FXN: variants seen among roughly 807,000 people sequenced by gnomAD.
FXN encodes the protein frataxin.
FXN carries 14 observed loss-of-function variants against 22.4 expected under a neutral mutation model. The observed-to-expected ratio is 0.62, with a 90% confidence interval of 0.41 to 0.98. The LOEUF is 0.98. FXN is among the 50% of genes least tolerant of loss of function. The pLI is 0.00. For missense variants in FXN, 267 were observed against 268.4 expected (o/e 0.99, Z 0.04); for synonymous variants, 120 against 114.1 (o/e 1.05, Z -0.33).
intron 1 of FXN, among the ~76,000 whole-genome samples, chr9:69,045,617 A>G (rs1318768650): frequency 6.6e-6 from 1 of 152,126 alleles, no homozygotes; most frequent in Non-Finnish European, 1.5e-5. Context: ...AAAACCAAAA[A>G]AAAAAACTTC....
chr9:69,050,943 G>A (rs1164745005), intron 2 of FXN, among the ~76,000 whole-genome samples: 1 of 152,048 alleles, frequency 6.6e-6, no homozygotes, highest in Non-Finnish European at 1.5e-5. Flanking sequence ...ACTATGCCCG[G>A]CTAATTTTGT....
rs1832342612 is a variant in FXN at position 69,075,119 on chromosome 9, G to C, written c.*2357G>C. 9.1e-6 allele frequency: 9 copies of C among 985,374 alleles called. No individual in the cohort carries two copies. Among genetic ancestry groups the C allele is most frequent in the Non-Finnish European group, 9.6e-6 (8 of 829,940 alleles). The allele number at this position is 985,374 out of a possible 1,614,324, so 61.0% of individuals were successfully genotyped here. A position where few individuals can be genotyped will look rare whatever the true frequency, so the allele number is the denominator to read the frequency against. ...TTTCATTTTACATATAGCTCTAATT[G>C]GTTTGATTATCTCGTTCCCAAGGCA... On this transcript the variant is annotated 3_prime_UTR_variant, in exon 5 of 5. Transcript: ENST00000484259.
chr9:69,071,451 A>T (rs943733772), intron 4 of FXN, among the ~76,000 whole-genome samples: 1 of 152,166 alleles, frequency 6.6e-6, no homozygotes, highest in African/African-American at 2.4e-5. Flanking sequence ...CTGGGCTCCC[A>T]TGCACTCTGT....
chr9:69,062,866 G>A (rs374258421), intron 3 of FXN, among the ~76,000 whole-genome samples: 10 of 150,940 alleles, frequency 6.6e-5, no homozygotes, highest in South Asian at 2.1e-4. Context: ...TAAATTTAGC[G>A]TTATGTGCTT....
In FXN at chr9:69,076,949, C is replaced by T. The variant is rs530843434; in HGVS notation, c.*4187C>T. The stretch of plus-strand genomic sequence containing the variant: ...TTCTTTTTTGAGACAGAGTCTTGCT[C>T]TGTCACCCAGGCTGGAGTGCAGTGG... On this transcript the variant is annotated 3_prime_UTR_variant, in exon 5 of 5. Transcript: ENST00000484259. 6.1e-6 allele frequency: 6 copies of T among 977,456 alleles called. No homozygotes were observed. The highest frequency in any genetic ancestry group is 1.7e-5 in the African/African-American group (1 of 57,186). 60.5% of individuals were successfully genotyped at this position (977,456 alleles called of 1,614,324 possible). A position where few individuals can be genotyped will look rare whatever the true frequency, so the allele number is the denominator to read the frequency against.
At chr9:69,068,179 G>A (rs555937331) in intron 4 of FXN, among the ~76,000 whole-genome samples, 2 of 152,282 alleles carry the variant, frequency 1.3e-5, no homozygotes, top group Non-Finnish European at 2.9e-5. Context: ...ATGTGGACAC[G>A]GGGCTATGAC....
At chr9:69,068,235 G>A (rs188915860) in intron 4 of FXN, among the ~76,000 whole-genome samples, 1 of 152,218 alleles carries the variant, frequency 6.6e-6, no homozygotes, top group African/African-American at 2.4e-5. Flanking sequence ...GCCAGGTGGA[G>A]CCTGGAGTGG....
In FXN at chr9:69,076,772, C is replaced by A. The variant is rs763251375; in HGVS notation, c.*4010C>A. Reference sequence around the variant, plus strand: ...AGTCCGTGTCCAGTTGGATTCTTGGCACATAGTTATCTTCTGCTAGAACAA... The same window carrying A: ...AGTCCGTGTCCAGTTGGATTCTTGGAACATAGTTATCTTCTGCTAGAACAA... On this transcript the variant is annotated 3_prime_UTR_variant, in exon 5 of 5. Coordinates refer to ENST00000484259, the MANE Select transcript of FXN (RefSeq NM_000144.5). 1.4e-4 allele frequency: 134 copies of A among 985,290 alleles called. No homozygotes were observed. The highest frequency in any genetic ancestry group is 1.6e-4 in the Non-Finnish European group (131 of 829,944). The allele number at this position is 985,290 out of a possible 1,614,324, so 61.0% of individuals were successfully genotyped here.
intron 3 of FXN, among the ~76,000 whole-genome samples, chr9:69,058,397 C>CT (rs11394941): frequency 0.16 from 24,278 of 151,804 alleles, 2,075 homozygotes; most frequent in Middle Eastern, 0.22. Flanking sequence ...AGGCTGACCT[C>CT]TTTTTTTTCC....
Position 69,076,783 on chromosome 9 carries a change from C to A in FXN, c.*4021C>A. 1.0e-6 allele frequency: 1 copy of A among 985,424 alleles called. No individual in the cohort carries two copies. Among genetic ancestry groups the A allele is most frequent in the South Asian group, 4.7e-5 (1 of 21,284 alleles). 61.0% of individuals were successfully genotyped at this position (985,424 alleles called of 1,614,324 possible). A position where few individuals can be genotyped will look rare whatever the true frequency, so the allele number is the denominator to read the frequency against. ...AGTTGGATTCTTGGCACATAGTTATCTTCTGCTAGAACAAACTAAAACAGC... is the reference window on the plus strand; with the variant it reads ...AGTTGGATTCTTGGCACATAGTTATATTCTGCTAGAACAAACTAAAACAGC... On this transcript the variant is annotated 3_prime_UTR_variant, in exon 5 of 5. Transcript: ENST00000484259.
chr9:69,078,348 C>T lies in FXN; in HGVS notation c.*5586C>T. The T allele has an allele frequency of 2.0e-6, 2 of 985,504 alleles. No individual in the cohort carries two copies. Among genetic ancestry groups the T allele is most frequent in the Non-Finnish European group, 2.4e-6 (2 of 829,970 alleles). The allele number at this position is 985,504 out of a possible 1,614,324, so 61.0% of individuals were successfully genotyped here. A position where few individuals can be genotyped will look rare whatever the true frequency, so the allele number is the denominator to read the frequency against. ...AGTTCCCCTTGAAAGTTTCACCAAA[C>T]ATCCCTTAAATCTGCCCTCTCCTGC... is the stretch of plus-strand genomic sequence containing the variant. On this transcript the variant is annotated 3_prime_UTR_variant, in exon 5 of 5. Coordinates refer to ENST00000484259, the MANE Select transcript of FXN (RefSeq NM_000144.5).
chr9:69,068,403 T>C (rs933061073), intron 4 of FXN, among the ~76,000 whole-genome samples: 3 of 152,046 alleles, frequency 2.0e-5, no homozygotes, highest in African/African-American at 7.2e-5. Flanking sequence ...CAATGACTGA[T>C]GGGCCCTTGT....
intron 2 of FXN, among the ~76,000 whole-genome samples, chr9:69,050,386 A>C (rs985361179): frequency 2.2e-4 from 33 of 152,206 alleles, no homozygotes; most frequent in African/African-American, 7.7e-4. Flanking sequence ...CTGGGTACAC[A>C]TTTCTGTTGT....
chr9:69,065,813 A>G (rs865924770), intron 4 of FXN, among the ~76,000 whole-genome samples: 6 of 152,296 alleles, frequency 3.9e-5, no homozygotes, highest in Middle Eastern at 6.8e-3. Flanking sequence ...TAGCGTTTGA[A>G]CAAGTTGCAC....
In FXN at chr9:69,053,229, A is replaced by G. The variant is rs749780215; in HGVS notation, c.353A>G (p.Tyr118Cys). 1 of 1,613,926 alleles carries G rather than the reference A, an allele frequency of 6.2e-7. No homozygotes were observed. Among genetic ancestry groups the G allele is most frequent in the Non-Finnish European group, 8.5e-7 (1 of 1,179,918 alleles). Reference sequence around the variant, plus strand: ...TTTGAAGACCTTGCAGACAAGCCATACACGTTTGAGGACTATGATGTCTCC... The same window carrying G: ...TTTGAAGACCTTGCAGACAAGCCATGCACGTTTGAGGACTATGATGTCTCC... ...EFFEDLADKP[Y>C]TFEDYDVSFG... The change falls in exon 3 of 5, where the codon TAC becomes TGC. Residue 118 changes from tyrosine to cysteine, a missense_variant. By Grantham distance (194) the Tyr-to-Cys change is radical. Coordinates refer to ENST00000484259, the MANE Select transcript of FXN (RefSeq NM_000144.5).
chr9:69,053,518 T>C (rs1199799256), intron 3 of FXN, among the ~76,000 whole-genome samples: 1 of 151,740 alleles, frequency 6.6e-6, no homozygotes, highest in Admixed American at 6.6e-5. Flanking sequence ...GATAGATAGA[T>C]AGATAGATAG....
chr9:69,054,464 G>A (rs1564334020), intron 3 of FXN, among the ~76,000 whole-genome samples: 1 of 151,882 alleles, frequency 6.6e-6, no homozygotes, highest in Non-Finnish European at 1.5e-5. Flanking sequence ...TTTTGCCAGT[G>A]GGAGAAAATC....
intron 3 of FXN, among the ~76,000 whole-genome samples, chr9:69,062,744 G>T (rs1466780175): frequency 6.6e-6 from 1 of 152,132 alleles, no homozygotes; most frequent in African/African-American, 2.4e-5. Flanking sequence ...GGGGAAATTA[G>T]TGTCTAATGG....
intron 4 of FXN, among the ~76,000 whole-genome samples, chr9:69,066,203 A>G (rs1832163160): frequency 6.6e-6 from 1 of 152,222 alleles, no homozygotes; most frequent in African/African-American, 2.4e-5. Context: ...GAGCATGTTG[A>G]CTGTGAATTG....
Sources: gnomAD v4.1 joint callset for allele counts (sites outside exome capture counted in the v4.1 genomes callset) on GRCh38, gnomAD v4.1.1 for gene constraint, MANE v1.5 for transcripts, NCBI Gene and HGNC (gene_info 2026-07-23, HGNC 2026-07-21) for gene names.